The following ZFHX3 variants were observed in gnomAD, a reference collection of about 807,000 sequenced individuals.
ZFHX3 encodes the protein zinc finger homeobox protein 3.
Under a neutral mutation model 279.1 loss-of-function variants are expected in ZFHX3, and 42 were observed. The observed-to-expected ratio is 0.15, with a 90% confidence interval of 0.12 to 0.19. The LOEUF is 0.19. Among genes scored for constraint, ZFHX3 ranks in the 10% least tolerant of loss-of-function variants. The probability of loss-of-function intolerance (pLI) is 1.00; values close to 1 mark genes in which losing one functional copy is unlikely to be tolerated. For synonymous variants in ZFHX3, 2,293 were observed against 1,957.8 expected (o/e 1.17, Z -4.52); for missense variants, 4,981 against 4,754.0 (o/e 1.05, Z -1.40).
chr16:73,491,378 G>T (rs1013922289), intron 2 of ZFHX3, among the ~76,000 whole-genome samples: 1 of 152,214 alleles, frequency 6.6e-6, no homozygotes, highest in Non-Finnish European at 1.5e-5. Context: ...CTGCAAAGGT[G>T]CTGCAGAAAT....
At chr16:72,870,106 A>G (rs1445042580) in intron 4 of ZFHX3, among the ~76,000 whole-genome samples, 1 of 152,230 alleles carries the variant, frequency 6.6e-6, no homozygotes, top group Non-Finnish European at 1.5e-5. Flanking sequence ...GAACAATGCT[A>G]GATTAAAGAA....
At chr16:73,749,580 A>T (rs1376615126) in intron 1 of ZFHX3, among the ~76,000 whole-genome samples, 1 of 152,206 alleles carries the variant, frequency 6.6e-6, no homozygotes, top group Non-Finnish European at 1.5e-5. Flanking sequence ...GAGATACAGA[A>T]TAACACAACA....
intron 2 of ZFHX3, among the ~76,000 whole-genome samples, chr16:73,634,435 TATA>T (rs373899864): frequency 0.7 from 91,042 of 130,502 alleles, 29,887 homozygotes; most frequent in Middle Eastern, 0.86. Flanking sequence ...TTATGTATAA[TATA>T]TATATATATA....
chr16:72,978,971 T>G (rs773156981), intron 1 of ZFHX3, among the ~76,000 whole-genome samples: 1 of 152,112 alleles, frequency 6.6e-6, no homozygotes, highest in South Asian at 2.1e-4. Flanking sequence ...CTCTCCTGGA[T>G]AGATGAAGAG....
At chr16:72,922,608 G>C (rs569854677) in intron 3 of ZFHX3, among the ~76,000 whole-genome samples, 5 of 152,252 alleles carry the variant, frequency 3.3e-5, no homozygotes, top group African/African-American at 1.2e-4. Context: ...ACGAACCTGA[G>C]TGTGGCCAAA....
At chr16:73,686,241 C>T (rs1166288668) in intron 1 of ZFHX3, among the ~76,000 whole-genome samples, 1 of 152,004 alleles carries the variant, frequency 6.6e-6, no homozygotes, top group Non-Finnish European at 1.5e-5. Context: ...ATTACAGGTG[C>T]CCACCACCAC....
At chr16:73,655,213 T>C (rs910922493) in intron 2 of ZFHX3, among the ~76,000 whole-genome samples, 10 of 152,210 alleles carry the variant, frequency 6.6e-5, no homozygotes, top group Non-Finnish European at 1.5e-4. Context: ...TTCGCATCTT[T>C]GAGATTTCCA....
chr16:73,530,659 T>C (rs1476088031), intron 2 of ZFHX3, among the ~76,000 whole-genome samples: 1 of 152,160 alleles, frequency 6.6e-6, no homozygotes, highest in Non-Finnish European at 1.5e-5. Flanking sequence ...TCCTCAATTT[T>C]CTGCAGGCTT....
chr16:72,949,490 T>G (rs982497954), intron 3 of ZFHX3, among the ~76,000 whole-genome samples: 4 of 152,104 alleles, frequency 2.6e-5, no homozygotes, highest in African/African-American at 9.7e-5. Context: ...TGAAAATCAA[T>G]AGAGACGTCT....
At chr16:73,195,757 C>G (rs1023334844) in intron 5 of ZFHX3, among the ~76,000 whole-genome samples, 1 of 150,678 alleles carries the variant, frequency 6.6e-6, no homozygotes, top group African/African-American at 2.4e-5. Context: ...GGCTAGAAAG[C>G]AAAAAAAATA....
chr16:73,680,255 A>C (rs2052996698), intron 1 of ZFHX3: 1 of 152,140 alleles, frequency 6.6e-6, no homozygotes, highest in African/African-American at 2.4e-5. Context: ...AAATATGAAA[A>C]AAAAAAGTTT....
At chr16:73,624,754 G>C (rs1206218056) in intron 2 of ZFHX3, among the ~76,000 whole-genome samples, 1 of 152,088 alleles carries the variant, frequency 6.6e-6, no homozygotes, top group Non-Finnish European at 1.5e-5. Context: ...ATCCAATTTT[G>C]CGGGAGGTCA....
At chr16:73,680,953 G>A (rs1482064888) in intron 1 of ZFHX3, among the ~76,000 whole-genome samples, 1 of 152,150 alleles carries the variant, frequency 6.6e-6, no homozygotes, top group African/African-American at 2.4e-5. Flanking sequence ...TATATGCAAA[G>A]CCTGAATGCC....
At chr16:73,119,908 A>G (rs1218144413) in intron 7 of ZFHX3, among the ~76,000 whole-genome samples, 1 of 152,152 alleles carries the variant, frequency 6.6e-6, no homozygotes, top group Non-Finnish European at 1.5e-5. Flanking sequence ...GGATATTTAC[A>G]ACAAACAAAA....
chr16:73,484,396 CAT>C (rs2018935674), intron 2 of ZFHX3, among the ~76,000 whole-genome samples: 1 of 152,160 alleles, frequency 6.6e-6, no homozygotes, highest in African/African-American at 2.4e-5. Flanking sequence ...GCCCCGAACT[CAT>C]GCCGAAAAGG....
intron 2 of ZFHX3, among the ~76,000 whole-genome samples, chr16:73,615,401 C>T (rs2052290518): frequency 6.6e-6 from 1 of 152,132 alleles, no homozygotes; most frequent in Admixed American, 6.5e-5. Flanking sequence ...AAGAAACATT[C>T]TGAAACCAAA....
intron 2 of ZFHX3, among the ~76,000 whole-genome samples, chr16:73,492,505 T>C (rs1419959158): frequency 6.6e-6 from 1 of 152,190 alleles, no homozygotes; most frequent in Non-Finnish European, 1.5e-5. Context: ...CATGGCAGCA[T>C]AGAAAAAGTG....
chr16:73,875,863 G>A (rs560316238), intron 1 of ZFHX3, among the ~76,000 whole-genome samples: 5 of 151,996 alleles, frequency 3.3e-5, no homozygotes, highest in African/African-American at 7.3e-5. Flanking sequence ...CACCTACACC[G>A]AACATTAAAT....
At chr16:73,735,075 C>T (rs328349) in intron 1 of ZFHX3, among the ~76,000 whole-genome samples, 127,344 of 152,158 alleles carry the variant, frequency 0.84, 54,077 homozygotes, top group Non-Finnish European at 0.9. Flanking sequence ...AAATTAACTA[C>T]TTTAACCACG....
Sources: gnomAD v4.1 joint callset for allele counts (sites outside exome capture counted in the v4.1 genomes callset) on GRCh38, gnomAD v4.1.1 for gene constraint, MANE v1.5 for transcripts, NCBI Gene and HGNC (gene_info 2026-07-23, HGNC 2026-07-21) for gene names.